ANKRD55: variants seen among roughly 807,000 people sequenced by gnomAD.
The protein encoded by ANKRD55 is ankyrin repeat domain-containing protein 55.
Under a neutral mutation model 60.6 loss-of-function variants are expected in ANKRD55, and 41 were observed. The observed-to-expected ratio is 0.68, with a 90% CI of 0.53 to 0.88. The LOEUF is 0.88. Ranked by LOEUF, ANKRD55 falls within the 40% of genes least tolerant of loss-of-function variation. The probability of loss-of-function intolerance (pLI) is 0.00; values close to 1 mark genes in which losing one functional copy is unlikely to be tolerated. For synonymous variants in ANKRD55, 264 were observed against 290.3 expected (o/e 0.91, Z 0.92); for missense variants, 732 against 767.6 (o/e 0.95, Z 0.55).
At chr5:56,179,125 A>C (rs1257327409) in intron 3 of ANKRD55, among the ~76,000 whole-genome samples, 1 of 152,224 alleles carries the variant, frequency 6.6e-6, no homozygotes, top group Non-Finnish European at 1.5e-5. Context: ...CTAACAAGAA[A>C]TGGCATAAAT....
chr5:56,142,496 G>A (rs1757798833), intron 7 of ANKRD55, among the ~76,000 whole-genome samples: 1 of 152,232 alleles, frequency 6.6e-6, no homozygotes, highest in Non-Finnish European at 1.5e-5. Context: ...TGGGATGGTG[G>A]AAGGGGGACG....
At chr5:56,197,563 A>G (rs1162646894) in intron 2 of ANKRD55, among the ~76,000 whole-genome samples, 1 of 152,214 alleles carries the variant, frequency 6.6e-6, no homozygotes, top group African/African-American at 2.4e-5. Flanking sequence ...TGATGTATTC[A>G]CTATCTTTTA....
At chr5:56,147,228 TA>T (rs1195714231) in intron 6 of ANKRD55, among the ~76,000 whole-genome samples, 1 of 152,202 alleles carries the variant, frequency 6.6e-6, no homozygotes, top group Non-Finnish European at 1.5e-5. Context: ...GTAATTTGCC[TA>T]AGGCCATTGA....
At chr5:56,171,461 A>G (rs1758609968) in intron 4 of ANKRD55, among the ~76,000 whole-genome samples, 1 of 152,186 alleles carries the variant, frequency 6.6e-6, no homozygotes, top group African/African-American at 2.4e-5. Flanking sequence ...TCCTCGGTCA[A>G]CATTTACTGC....
intron 9 of ANKRD55, among the ~76,000 whole-genome samples, chr5:56,114,760 T>C (rs1756837270): frequency 6.6e-6 from 1 of 152,214 alleles, no homozygotes; most frequent in African/African-American, 2.4e-5. Flanking sequence ...AAGAAACTGC[T>C]GCTTGTTAAG....
intron 4 of ANKRD55, among the ~76,000 whole-genome samples, chr5:56,173,585 T>C (rs1474574825): frequency 9.7e-6 from 1 of 103,038 alleles, no homozygotes; most frequent in Non-Finnish European, 1.9e-5. Context: ...TCTCTCTCTA[T>C]ATATATATAT....
intron 2 of ANKRD55, among the ~76,000 whole-genome samples, chr5:56,220,925 CTCTT>C (rs942231976): frequency 3.9e-5 from 6 of 152,238 alleles, no homozygotes; most frequent in African/African-American, 1.4e-4. Flanking sequence ...CTCTCTTTCT[CTCTT>C]CTCCACTTTC....
chr5:56,168,829 C>G (rs564185593), intron 5 of ANKRD55, among the ~76,000 whole-genome samples: 1 of 152,218 alleles, frequency 6.6e-6, no homozygotes, highest in Non-Finnish European at 1.5e-5. Flanking sequence ...ACCTACCACC[C>G]CCCTACATTG....
chr5:56,138,671 T>A (rs1757674819), intron 7 of ANKRD55, among the ~76,000 whole-genome samples: 1 of 152,154 alleles, frequency 6.6e-6, no homozygotes, highest in Non-Finnish European at 1.5e-5. Flanking sequence ...TAAAGAGAAA[T>A]GAGCTATTAA....
At chr5:56,223,601 G>A (rs159561) in intron 2 of ANKRD55, among the ~76,000 whole-genome samples, 2,234 of 152,238 alleles carry the variant, frequency 0.015, 45 homozygotes, top group African/African-American at 0.051. Context: ...GCTGTATTCA[G>A]GAGACCCATC....
At chr5:56,213,471 C>G (rs1759726630) in intron 2 of ANKRD55, among the ~76,000 whole-genome samples, 1 of 142,766 alleles carries the variant, frequency 7.0e-6, no homozygotes, top group Non-Finnish European at 1.5e-5. Context: ...AAAGCAAAAA[C>G]AAAGAAAACA....
At chr5:56,116,259 G>A (rs964992550) in intron 9 of ANKRD55, among the ~76,000 whole-genome samples, 1 of 152,124 alleles carries the variant, frequency 6.6e-6, no homozygotes. Context: ...AAAGGGTCCC[G>A]AGAACGAAAG....
intron 7 of ANKRD55, among the ~76,000 whole-genome samples, chr5:56,132,424 C>CAAAAAAAAAAAAAAA (rs34289990): frequency 1.7e-5 from 2 of 120,358 alleles, no homozygotes; most frequent in African/African-American, 7.3e-5. Flanking sequence ...ACTTAAAATA[C>CAAAAAAAAAAAAAAA]AAAAAAAAAA....
chr5:56,185,210 G>A (rs755172940), intron 2 of ANKRD55, among the ~76,000 whole-genome samples: 13 of 151,142 alleles, frequency 8.6e-5, no homozygotes, highest in Non-Finnish European at 1.6e-4. Context: ...GCGACAGAGC[G>A]AGACTCTGTC....
rs1561263942 is a variant in ANKRD55, at chr5:56,135,289, T to TTTCTTTCTTTCTTTCTTTCTTTCTTTC, written c.613-8184_613-8183insGAAAGAAAGAAAGAAAGAAAGAAAGAA. ...TTCCCTCCCTCCCTCCCTGCCTGCC[T>TTTCTTTCTTTCTTTCTTTCTTTCTTTC]GCTTGCTTTCTTTCTTTCTTTCTTT... On this transcript the variant is annotated intron_variant, in intron 7 of 11. Transcript: ENST00000341048. Among the ~76,000 whole-genome samples the TTTCTTTCTTTCTTTCTTTCTTTCTTTC allele has an allele frequency of 7.5e-5, 5 of 66,666 alleles. 1 individual carries two copies. The highest frequency in any genetic ancestry group is 2.4e-4 in the African/African-American group (5 of 21,188). 43.7% of individuals were successfully genotyped at this position (66,666 alleles called of 152,430 possible).
chr5:56,140,487 T>C (rs1346537087), intron 7 of ANKRD55, among the ~76,000 whole-genome samples: 1 of 152,226 alleles, frequency 6.6e-6, no homozygotes, highest in East Asian at 1.9e-4. Context: ...TCACACACCA[T>C]ATATACAGTA....
intron 7 of ANKRD55, among the ~76,000 whole-genome samples, chr5:56,138,806 T>C (rs940389035): frequency 6.6e-6 from 1 of 152,190 alleles, no homozygotes; most frequent in African/African-American, 2.4e-5. Context: ...AGTAAAAAGA[T>C]CAGTGGTTGC....
intron 7 of ANKRD55, among the ~76,000 whole-genome samples, chr5:56,138,668 A>G (rs2111749224): frequency 6.6e-6 from 1 of 152,344 alleles, no homozygotes; most frequent in Non-Finnish European, 1.5e-5. Context: ...TGCTAAAGAG[A>G]AATGAGCTAT....
intron 3 of ANKRD55, among the ~76,000 whole-genome samples, chr5:56,178,998 A>T (rs778958105): frequency 9.2e-5 from 14 of 152,092 alleles, no homozygotes; most frequent in Non-Finnish European, 1.0e-4. Context: ...CATTTAATAA[A>T]ATCATAGGTG....
Sources: allele counts gnomAD v4.1 joint callset (sites outside exome capture counted in the v4.1 genomes callset), GRCh38; gene constraint gnomAD v4.1.1; transcripts MANE v1.5; gene names NCBI Gene and HGNC (gene_info 2026-07-23, HGNC 2026-07-21).